MAOA: variants seen among roughly 807,000 people sequenced by gnomAD.
MAOA encodes the protein monoamine oxidase A.
MAOA carries 6 observed loss-of-function variants against 42.0 expected under a neutral mutation model. The ratio of observed to expected loss-of-function variants is 0.14; its 90% CI spans 0.08 to 0.28. MAOA has a LOEUF of 0.28. Ranked by LOEUF, MAOA falls within the 10% of genes least tolerant of loss-of-function variation. The pLI is 1.00. For synonymous variants in MAOA, 140 were observed against 154.0 expected (o/e 0.91, Z 0.67); for missense variants, 262 against 422.3 (o/e 0.62, Z 3.33).
intron 9 of MAOA, 115 bp downstream of exon 9, chrX:43,732,910 A>G: frequency 5.4e-6 from 3 of 553,256 alleles, no homozygotes; most frequent in Non-Finnish European, 9.8e-6. Flanking sequence ...TAATGCTATC[A>G]AAATATATAA....
chrX:43,727,857 G>C (rs1231522454), intron 5 of MAOA, among the ~76,000 whole-genome samples: 1 of 111,757 alleles, frequency 8.9e-6, no homozygotes, highest in Non-Finnish European at 1.9e-5. Flanking sequence ...AGATGAACCA[G>C]GTACCTCAGT....
At chrX:43,690,536 G>C (rs2033524366) in intron 2 of MAOA, among the ~76,000 whole-genome samples, 1 of 110,789 alleles carries the variant, frequency 9.0e-6, no homozygotes, top group Non-Finnish European at 1.9e-5. Flanking sequence ...TTCTTTTGGT[G>C]CCTTGTTTGC....
chrX:43,711,170 T>C (rs2033696640), intron 3 of MAOA, among the ~76,000 whole-genome samples: 1 of 110,107 alleles, frequency 9.1e-6, no homozygotes, highest in African/African-American at 3.3e-5. Context: ...AAAAAAAAAA[T>C]CTATCATTTT....
chrX:43,731,245 G>T lies in MAOA; in HGVS notation c.650G>T (p.Arg217Leu). The T allele has an allele frequency of 8.3e-7, 1 of 1,210,131 alleles. No individual in the cohort carries two copies. Among genetic ancestry groups the T allele is most frequent in the Non-Finnish European group, 1.1e-6 (1 of 894,139 alleles). The change falls in exon 7 of 15, where the codon CGG becomes CTG. Residue 217 changes from arginine (R) to leucine (L), a missense_variant. By Grantham distance (102) the Arg-to-Leu change is moderately radical (BLOSUM62 -2). Around this residue, in one of 3 missense-constraint regions of MAOA, gnomAD observed 141 missense variants for 195.6 expected, o/e 0.72. Transcript: ENST00000338702. ...CTTACCTACCTCCTCCTGTAGGAAC[G>T]GAAGTTTGTAGGTGGATCTGGTCAA... ...IFSVTNGGQE[R>L]KFVGGSGQVS...
At chrX:43,717,856 G>T (rs966129585) in intron 5 of MAOA, among the ~76,000 whole-genome samples, 7 of 109,427 alleles carry the variant, frequency 6.4e-5, no homozygotes, top group African/African-American at 2.3e-4. Context: ...GGGAGGGGGG[G>T]AATGATGGAT....
upstream of MAOA, chrX:43,655,668 C>G (rs780804136): frequency 1.8e-5 from 2 of 113,896 alleles, no homozygotes; most frequent in East Asian, 5.6e-4. Context: ...CAGCACCCCA[C>G]GGGGTTTGGT....
intron 9 of MAOA, among the ~76,000 whole-genome samples, chrX:43,734,768 A>G (rs1484538448): frequency 8.9e-6 from 1 of 112,393 alleles, no homozygotes; most frequent in East Asian, 2.8e-4. Context: ...GGATTAGATC[A>G]AAGAGATTAT....
At position 43,739,007 on chromosome X, in the gene MAOA, G is replaced by C. The variant is rs867506789; in HGVS notation, c.1107-1674G>C. On this transcript the variant is annotated intron_variant, in intron 10 of 14. Transcript: ENST00000338702. ...AAAGAGTAGGCTGAGGATGGGTTTT[G>C]ACTGAACAAATATTTATTGAGTACC... Among the ~76,000 whole-genome samples, 95 of 111,704 alleles carry C rather than the reference G, an allele frequency of 8.5e-4. No homozygotes were observed. The Middle Eastern group carries it at 0.023, about 28-fold the overall frequency.
In MAOA at chrX:43,724,512, G is replaced by A. The variant is rs916253313; in HGVS notation, c.504-3661G>A. On this transcript the variant is annotated intron_variant, in intron 5 of 14. Transcript: ENST00000338702. ...CTGTTGGTAGTTTGTATTTCTATGG[G>A]ATTGGTGGTGATATCCCCTTTTTCT... Among the ~76,000 whole-genome samples the A allele has an allele frequency of 8.1e-5, 9 of 111,641 alleles. 1 individual carries two copies. Among genetic ancestry groups the A allele is most frequent in the Non-Finnish European group, 1.7e-4 (9 of 53,075 alleles).
Position 43,686,515 on chromosome X carries a change from G to C in MAOA, c.168+2908G>C, listed in dbSNP as rs902921026. On this transcript the variant is annotated intron_variant, in intron 2 of 14. Transcript: ENST00000338702. ...AAGAGGGCTTTAAGAAACAGGCATG[G>C]AGGCCGGGCATGGTGGCTCACGCCT... is the stretch of plus-strand genomic sequence containing the variant. 2.7e-5 allele frequency among the ~76,000 whole-genome samples: 3 copies of C among 112,533 alleles called. No individual in the cohort carries two copies. The Admixed American group carries it at 2.8e-4, about 11-fold the overall frequency.
intron 5 of MAOA, among the ~76,000 whole-genome samples, chrX:43,717,339 C>T (rs1006049967): frequency 1.8e-5 from 2 of 109,517 alleles, no homozygotes; most frequent in Admixed American, 9.7e-5. Flanking sequence ...CTGGTGGTGG[C>T]GGAAAGAGAC....
rs979627412 is a variant in MAOA at position 43,708,665 on chromosome X, T to G, written c.307-3207T>G. Among the ~76,000 whole-genome samples the G allele has an allele frequency of 1.0e-4, 11 of 107,036 alleles. No homozygotes were observed. The East Asian group carries it at 2.0e-3, about 20-fold the overall frequency. The allele number at this position is 107,036 out of a possible 115,157, so 92.9% of individuals were successfully genotyped here. A position where few individuals can be genotyped will look rare whatever the true frequency, so the allele number is the denominator to read the frequency against. On this transcript the variant is annotated intron_variant, in intron 3 of 14. Coordinates refer to ENST00000338702, the MANE Select transcript of MAOA (RefSeq NM_000240.4). ...GGGCCTTTATGGTCTTCTTGTTGTT[T>G]TTTTTTTTTTTTCTTTTGAGACAGT... is the stretch of plus-strand genomic sequence containing the variant.
chrX:43,742,066 G>A lies in MAOA; in HGVS notation c.1262+19G>A, dbSNP rs377168294. Reference sequence around the variant, plus strand: ...ATGGAAGGTATTACGCAAGCACTACGCCAATTAATCCAAGACCTGTGCCAA... The same window carrying A: ...ATGGAAGGTATTACGCAAGCACTACACCAATTAATCCAAGACCTGTGCCAA... On this transcript the variant is annotated intron_variant, in intron 12 of 14. Transcript: ENST00000338702. 50 of 1,208,833 alleles carry A rather than the reference G, an allele frequency of 4.1e-5. No individual in the cohort carries two copies. In the African/African-American group the frequency reaches 4.9e-4, roughly 12 times the overall value.
chrX:43,662,958 A>T (rs1034012605), intron 1 of MAOA, among the ~76,000 whole-genome samples: 3 of 111,229 alleles, frequency 2.7e-5, no homozygotes, highest in African/African-American at 9.8e-5. Flanking sequence ...AGCAATTTGT[A>T]TTTTCCTTCA....
chrX:43,706,778 C>T (rs1349494925), intron 3 of MAOA, among the ~76,000 whole-genome samples: 3 of 111,661 alleles, frequency 2.7e-5, no homozygotes, highest in Non-Finnish European at 5.6e-5. Context: ...CACAACACTA[C>T]ACTCCAGCCT....
At chrX:43,658,480 G>A (rs1191089244) in intron 1 of MAOA, among the ~76,000 whole-genome samples, 1 of 111,705 alleles carries the variant, frequency 9.0e-6, no homozygotes, top group Non-Finnish European at 1.9e-5. Context: ...ACTCAGTCCT[G>A]TATTTGCAAT....
intron 5 of MAOA, among the ~76,000 whole-genome samples, chrX:43,715,488 C>T (rs1011794238): frequency 5.5e-5 from 6 of 109,672 alleles, no homozygotes; most frequent in Admixed American, 9.7e-5. Context: ...TATTGGGCCG[C>T]GGATAACTTC....
chrX:43,673,589 A>G (rs1214549220), intron 1 of MAOA, among the ~76,000 whole-genome samples: 4 of 109,448 alleles, frequency 3.7e-5, no homozygotes, highest in African/African-American at 1.3e-4. Flanking sequence ...ATTTAGTGCT[A>G]TAAATTTCCC....
intron 8 of MAOA, among the ~76,000 whole-genome samples, chrX:43,732,416 T>C (rs1277276044): frequency 1.8e-5 from 2 of 111,211 alleles, no homozygotes; most frequent in Admixed American, 1.9e-4. Flanking sequence ...TCTTTCCTCA[T>C]GTATGCTAGG....
Sources: gnomAD v4.1 joint callset for allele counts (sites outside exome capture counted in the v4.1 genomes callset) on GRCh38, gnomAD v4.1.1 for gene constraint, gnomAD v4.1.1 regional missense constraint, MANE v1.5 for transcripts, NCBI Gene and HGNC (gene_info 2026-07-23, HGNC 2026-07-21) for gene names.